The following RNF213 variants were observed in gnomAD, a reference collection of about 807,000 sequenced individuals.
The protein encoded by RNF213 is E3 ubiquitin-protein ligase RNF213.
In RNF213, 341 loss-of-function variants were observed where a neutral mutation model predicts 514.4. The observed-to-expected ratio is 0.66, with a 90% confidence interval of 0.61 to 0.73. The LOEUF is 0.73. Among genes scored for constraint, RNF213 ranks in the 30% least tolerant of loss-of-function variants. RNF213 has a pLI of 0.00. For missense variants in RNF213, 5,767 were observed against 6,615.6 expected (o/e 0.87, Z 4.45); for synonymous variants, 2,655 against 2,658.2 (o/e 1.00, Z 0.04).
chr17:80,297,203 G>T (rs992717322), intron 10 of RNF213, among the ~76,000 whole-genome samples: 1 of 151,750 alleles, frequency 6.6e-6, no homozygotes, highest in South Asian at 2.1e-4. Flanking sequence ...TGTAATCCCA[G>T]CACTTTGGGA....
chr17:80,303,377 C>T (rs1031368709), intron 11 of RNF213, among the ~76,000 whole-genome samples: 16 of 152,214 alleles, frequency 1.1e-4, no homozygotes, highest in Admixed American at 2.0e-4. Context: ...CTGAAAGAGA[C>T]GCCCCCTCAT....
Position 80,332,201 on chromosome 17 carries a change from G to T in RNF213, c.3713G>T (p.Arg1238Leu). The T allele has an allele frequency of 6.5e-7, 1 of 1,537,192 alleles. No homozygotes were observed. Among genetic ancestry groups the T allele is most frequent in the Non-Finnish European group, 8.7e-7 (1 of 1,146,920 alleles). Residue 1238 changes from arginine (R) to leucine (L), a missense_variant, in exon 21 of 68, where the codon CGG becomes CTG. Physicochemically the swap from Arg to Leu is moderately radical, Grantham distance 102. This residue lies in a region of RNF213 where 516 missense variants were observed against 566.5 expected (regional missense o/e 0.91). Transcript: ENST00000582970. ...RDSHIFQLFW[R>L]EAAEPLSEPK... is the part of the protein sequence containing the mutation. ...AGCCACATCTTCCAGCTCTTCTGGC[G>T]GGAAGCCGCAGAGCCGCTGAGTGAG...
chr17:80,346,954 C>G lies in RNF213; in HGVS notation c.8619C>G (p.Pro2873=). 1 of 1,613,812 alleles carries G rather than the reference C, an allele frequency of 6.2e-7. No individual in the cohort carries two copies. Among genetic ancestry groups the G allele is most frequent in the Non-Finnish European group, 8.5e-7 (1 of 1,179,860 alleles). ...LLEDGCIEDD[P]APHKKVGFVG... ...AAGACGGATGCATTGAAGACGATCC[C>G]GCCCCCCACAAAAAGGTCGGCTTCG... The change falls in exon 29 of 68, where the codon CCC becomes CCG. Residue 2873 remains proline (P), a synonymous_variant. Coordinates refer to ENST00000582970, the MANE Select transcript of RNF213 (RefSeq NM_001256071.3). The surrounding 1 kb of genome is among the most constrained non-coding windows in gnomAD (Gnocchi z 8.1).
chr17:80,357,184 T>G (rs865960562), intron 36 of RNF213, among the ~76,000 whole-genome samples: 56 of 152,352 alleles, frequency 3.7e-4, no homozygotes, highest in African/African-American at 1.3e-3. Context: ...CCCAACGTGC[T>G]GGGATTAGAC....
chr17:80,343,769 CAA>C lies in RNF213; in HGVS notation c.6184-86_6184-85del, dbSNP rs1442068117. 7.1e-7 allele frequency: 1 copy of C among 1,404,172 alleles called. No individual in the cohort carries two copies. Among genetic ancestry groups the C allele is most frequent in the East Asian group, 2.3e-5 (1 of 43,872 alleles). 87.0% of individuals were successfully genotyped at this position (1,404,172 alleles called of 1,614,324 possible). The stretch of plus-strand genomic sequence containing the variant: ...ATGTTGATCATCAGGATCATCGTGA[CAA>C]AGAGCAAAATAAGGAGGGGTTACTT... On this transcript the variant is annotated intron_variant, in intron 27 of 67. Coordinates refer to ENST00000582970, the MANE Select transcript of RNF213 (RefSeq NM_001256071.3). The surrounding 1 kb of genome is among the most constrained non-coding windows in gnomAD (Gnocchi z 4.3).
At chr17:80,355,105 C>G in intron 36 of RNF213, 1 of 435,410 alleles carries the variant, frequency 2.3e-6, no homozygotes, top group Non-Finnish European at 4.7e-6. Flanking sequence ...GGGCCCCAGA[C>G]AGAGGGTCTC....
chr17:80,355,733 G>A (rs1448320735), intron 36 of RNF213, among the ~76,000 whole-genome samples: 3 of 123,922 alleles, frequency 2.4e-5, no homozygotes, highest in Admixed American at 1.7e-4. Flanking sequence ...GGGTGGACGG[G>A]AATGGGGGCT....
intron 17 of RNF213, chr17:80,321,214 T>C (rs756782842): frequency 6.6e-6 from 1 of 152,242 alleles, no homozygotes; most frequent in Non-Finnish European, 1.5e-5. Flanking sequence ...TGAAGGTAAT[T>C]TTATACAATA....
intron 6 of RNF213, 49 bp downstream of exon 6, chr17:80,289,886 G>T (rs769490305): frequency 2.6e-6 from 4 of 1,543,160 alleles, no homozygotes; most frequent in Non-Finnish European, 3.5e-6. Flanking sequence ...CTGAGAGCCC[G>T]GCACACCCTC....
chr17:80,379,743 G>A, intron 55 of RNF213, 29 bp downstream of exon 55: 1 of 1,596,514 alleles, frequency 6.3e-7, no homozygotes, highest in Non-Finnish European at 8.6e-7. Context: ...TATTTCCTAA[G>A]TACTCAAACT....
Position 80,353,806 on chromosome 17 carries a change from A to C in RNF213, c.10578+140A>C. The C allele has an allele frequency of 7.7e-7, 1 of 1,292,008 alleles. No homozygotes were observed. The highest frequency in any genetic ancestry group is 1.1e-6 in the Non-Finnish European group (1 of 901,794). The allele number at this position is 1,292,008 out of a possible 1,614,324, so 80.0% of individuals were successfully genotyped here. On this transcript the variant is annotated intron_variant, in intron 34 of 67. Transcript: ENST00000582970. This position sits in a 1 kb window ranked among gnomAD's most constrained non-coding sequence, Gnocchi z 5.0. ...GGATGGCGCCCCACTTTCCTCACACAGTGACGGTCTTGTTGCTGGTTACTG... is the reference window on the plus strand; with the variant it reads ...GGATGGCGCCCCACTTTCCTCACACCGTGACGGTCTTGTTGCTGGTTACTG...
chr17:80,334,333 G>A (rs2077922256), intron 22 of RNF213, 63 bp downstream of exon 22: 2 of 1,480,382 alleles, frequency 1.4e-6, no homozygotes, highest in Non-Finnish European at 1.8e-6. Context: ...CGCACTGTGT[G>A]GCGTTCCTAA....
chr17:80,368,195 T>C, intron 44 of RNF213, 52 bp downstream of exon 44: 1 of 1,580,580 alleles, frequency 6.3e-7, no homozygotes, highest in Non-Finnish European at 8.7e-7. Flanking sequence ...TTTCCTTTTT[T>C]GGCAAACACA....
intron 1 of RNF213, among the ~76,000 whole-genome samples, chr17:80,262,378 T>TTGATGTTTTTATGG (rs2043453598): frequency 6.6e-6 from 1 of 152,100 alleles, no homozygotes; most frequent in Admixed American, 6.5e-5. Context: ...AGACAGATGA[T>TTGATGTTTTTATGG]TGATGTTTTT....
intron 22 of RNF213, 51 bp downstream of exon 22, chr17:80,334,321 G>A: frequency 6.7e-7 from 1 of 1,498,376 alleles, no homozygotes; most frequent in Non-Finnish European, 8.9e-7. Context: ...GTTTTCAGAT[G>A]GCGCACTGTG....
intron 11 of RNF213, among the ~76,000 whole-genome samples, chr17:80,302,352 C>T (rs12051748): frequency 0.29 from 43,332 of 152,020 alleles, 6,585 homozygotes; most frequent in African/African-American, 0.4. Flanking sequence ...ACATTATACA[C>T]TGTATGCATA....
intron 20 of RNF213, among the ~76,000 whole-genome samples, chr17:80,328,787 T>C (rs1292175325): frequency 6.6e-6 from 1 of 152,188 alleles, no homozygotes; most frequent in African/African-American, 2.4e-5. Context: ...CCTGCACACA[T>C]CACCTTTCCA....
At chr17:80,393,259 ACGTGAGCCACACAGTGCTGGGCTTACAC>A in intron 67 of RNF213, 58 bp from the exon 68 acceptor site, 1 of 1,107,226 alleles carries the variant, frequency 9.0e-7, no homozygotes, top group African/African-American at 2.7e-5. Flanking sequence ...GGGCTTACAC[ACGTGAGCCACACAGTGCTGGGCTTACAC>A]ACGTGAGCCA....
At chr17:80,355,950 TAGG>T (rs968308221) in intron 36 of RNF213, among the ~76,000 whole-genome samples, 3 of 152,124 alleles carry the variant, frequency 2.0e-5, no homozygotes, top group Non-Finnish European at 2.9e-5. Context: ...GAAGGGATTT[TAGG>T]AGATCAGAAA....
Sources: gnomAD v4.1 joint callset for allele counts (sites outside exome capture counted in the v4.1 genomes callset) on GRCh38, gnomAD v4.1.1 for gene constraint, gnomAD v4.1.1 regional missense constraint, Gnocchi (gnomAD v3.1) non-coding constraint, MANE v1.5 for transcripts, NCBI Gene and HGNC (gene_info 2026-07-23, HGNC 2026-07-21) for gene names.